Variants in GPHN observed in about 807,000 individuals in gnomAD.
The protein encoded by GPHN is gephyrin.
A neutral mutation model predicts 95.5 loss-of-function variants in GPHN; 17 were observed. The observed-to-expected ratio is 0.18, with a 90% CI of 0.12 to 0.27. The LOEUF is 0.27. Ranked by LOEUF, GPHN falls within the 10% of genes least tolerant of loss-of-function variation. The probability of loss-of-function intolerance (pLI) is 1.00; values close to 1 mark genes in which losing one functional copy is unlikely to be tolerated. For synonymous variants in GPHN, 320 were observed against 322.5 expected (o/e 0.99, Z 0.08); for missense variants, 660 against 978.1 (o/e 0.67, Z 4.34).
At chr14:67,105,759 G>C (rs2077998863) in intron 13 of GPHN, among the ~76,000 whole-genome samples, 1 of 151,684 alleles carries the variant, frequency 6.6e-6, no homozygotes, top group South Asian at 2.1e-4. Context: ...CAAATAGTTG[G>C]GTTCTTTTTT....
chr14:66,975,272 GT>G (rs998405920), intron 9 of GPHN, among the ~76,000 whole-genome samples: 2 of 152,140 alleles, frequency 1.3e-5, no homozygotes, highest in Non-Finnish European at 2.9e-5. Context: ...GAAGTTAAAG[GT>G]TTTGGAGTCA....
At chr14:66,957,461 G>C (rs2068602337) in intron 8 of GPHN, among the ~76,000 whole-genome samples, 1 of 151,854 alleles carries the variant, frequency 6.6e-6, no homozygotes, top group South Asian at 2.1e-4. Flanking sequence ...CTCCCAAATT[G>C]TTGGGATTAC....
At chr14:66,654,052 A>G (rs1016784405) in intron 1 of GPHN, among the ~76,000 whole-genome samples, 1 of 152,192 alleles carries the variant, frequency 6.6e-6, no homozygotes, top group Non-Finnish European at 1.5e-5. Context: ...ACTATGAATG[A>G]TCCAATTCTT....
chr14:67,695,223 T>C, the GPHN span, among the ~76,000 whole-genome samples: 6 of 152,138 alleles, frequency 3.9e-5, no homozygotes, highest in Middle Eastern at 3.4e-3. Flanking sequence ...GAGGGCGAAA[T>C]GTGGAATCGC....
rs1000186751 is a variant in GPHN at position 67,173,630 on chromosome 14, G to A, written c.2079+4594G>A. ...TCTACCAGGTGCACAGATTCATGCAGGCTTACAAGAAACACAAAAAAGCAA... is the reference window on the plus strand; with the variant it reads ...TCTACCAGGTGCACAGATTCATGCAAGCTTACAAGAAACACAAAAAAGCAA... On this transcript the variant is annotated intron_variant, in intron 21 of 22. Coordinates refer to ENST00000478722, the MANE Select transcript of GPHN (RefSeq NM_020806.5). Among the ~76,000 whole-genome samples the A allele has an allele frequency of 2.0e-5, 3 of 152,156 alleles. No individual in the cohort carries two copies. The South Asian group carries it at 6.2e-4, about 32-fold the overall frequency.
chr14:67,183,331 C>A (rs959211517), downstream of GPHN, among the ~76,000 whole-genome samples: 2 of 152,060 alleles, frequency 1.3e-5, no homozygotes, highest in Non-Finnish European at 2.9e-5. Context: ...TAAATATTTG[C>A]TCAATAAAAC....
the GPHN span, chr14:67,203,423 C>A: frequency 1.5e-6 from 1 of 685,082 alleles, no homozygotes. Flanking sequence ...CTGCAAATGA[C>A]AAAGAGGAGC....
chr14:66,829,504 C>G (rs190944558), intron 4 of GPHN, among the ~76,000 whole-genome samples: 6 of 152,132 alleles, frequency 3.9e-5, no homozygotes, highest in Admixed American at 3.3e-4. Flanking sequence ...AGTATTTTCC[C>G]TTTATGTCCC....
the GPHN span, among the ~76,000 whole-genome samples, chr14:67,232,592 C>T: frequency 1.6e-3 from 236 of 152,234 alleles, no homozygotes; most frequent in African/African-American, 5.4e-3. Context: ...AAGAGCTTGT[C>T]CTTCTGTGTA....
the GPHN span, among the ~76,000 whole-genome samples, chr14:67,521,254 G>T: frequency 2.6e-5 from 4 of 152,236 alleles, no homozygotes; most frequent in East Asian, 7.7e-4. Context: ...TACAAAGTCA[G>T]ACTTCTGTAT....
At chr14:67,501,209 A>G in the GPHN span, among the ~76,000 whole-genome samples, 1 of 152,060 alleles carries the variant, frequency 6.6e-6, no homozygotes, top group African/African-American at 2.4e-5. Context: ...AGGACACATC[A>G]GTTCATCCCA....
At chr14:67,388,356 G>C in the GPHN span, 1 of 1,056,142 alleles carries the variant, frequency 9.5e-7, no homozygotes, top group African/African-American at 1.5e-5. Flanking sequence ...AAAGGGAAGA[G>C]TTGCACTCCC....
the GPHN span, among the ~76,000 whole-genome samples, chr14:67,548,019 C>T: frequency 2.6e-5 from 4 of 152,310 alleles, no homozygotes; most frequent in Admixed American, 2.6e-4. Context: ...GTTCCCTTTT[C>T]TTCCAGTAGA....
the GPHN span, chr14:67,674,605 G>A: frequency 6.0e-5 from 47 of 785,064 alleles, no homozygotes; most frequent in African/African-American, 7.2e-4. Flanking sequence ...CACCACCGCC[G>A]CCCAGGACGA....
At chr14:66,815,923 T>C (rs1405612369) in intron 3 of GPHN, among the ~76,000 whole-genome samples, 2 of 151,720 alleles carry the variant, frequency 1.3e-5, no homozygotes, top group South Asian at 2.1e-4. Flanking sequence ...ATCTCACATA[T>C]ACAATGGCAT....
At chr14:67,169,167 C>A (rs2082449156) in intron 21 of GPHN, 131 bp downstream of exon 21, 3 of 699,634 alleles carry the variant, frequency 4.3e-6, no homozygotes, top group African/African-American at 3.5e-5. Flanking sequence ...TATATTCTCC[C>A]CCTGTGTACT....
At chr14:66,553,978 A>G (rs1220456480) in intron 1 of GPHN, among the ~76,000 whole-genome samples, 1 of 152,138 alleles carries the variant, frequency 6.6e-6, no homozygotes, top group African/African-American at 2.4e-5. Flanking sequence ...TTTTAACGTG[A>G]TAGTTTCTTT....
intron 4 of GPHN, among the ~76,000 whole-genome samples, chr14:66,826,588 C>G (rs1051980677): frequency 1.8e-4 from 28 of 152,162 alleles, no homozygotes; most frequent in South Asian, 4.1e-4. Context: ...TCCCCCACCC[C>G]ACTCTGCATT....
At position 66,881,174 on chromosome 14, in the gene GPHN, A is replaced by G. The variant is rs941640356; in HGVS notation, c.389+1141A>G. Among the ~76,000 whole-genome samples, 8 of 152,078 alleles carry G rather than the reference A, an allele frequency of 5.3e-5. No homozygotes were observed. The East Asian group carries it at 7.7e-4, about 15-fold the overall frequency. On this transcript the variant is annotated intron_variant, in intron 5 of 22. Transcript: ENST00000478722. ...GATTATGAATGGGTCATTAGTTACTATGTTCTTTTTGCTGTCACGTGTACT... is the reference window on the plus strand; with the variant it reads ...GATTATGAATGGGTCATTAGTTACTGTGTTCTTTTTGCTGTCACGTGTACT...
Sources: gnomAD v4.1 joint callset for allele counts (sites outside exome capture counted in the v4.1 genomes callset) on GRCh38, gnomAD v4.1.1 for gene constraint, MANE v1.5 for transcripts, NCBI Gene and HGNC (gene_info 2026-07-23, HGNC 2026-07-21) for gene names.